Variants in MIGA2 observed in about 807,000 individuals in gnomAD.
MIGA2 encodes family with sequence similarity 73, member B.
A neutral mutation model predicts 69.9 loss-of-function variants in MIGA2; 36 were observed. That is an observed-to-expected ratio of 0.52 (90% CI 0.39 to 0.68). The LOEUF (loss-of-function observed/expected upper bound fraction) is 0.68, where lower values mean the gene tolerates loss of function less well. Among genes scored for constraint, MIGA2 ranks in the 30% least tolerant of loss-of-function variants. The pLI, the probability that MIGA2 is intolerant of heterozygous loss-of-function variation, is 0.00. For synonymous variants in MIGA2, 333 were observed against 349.2 expected (o/e 0.95, Z 0.52); for missense variants, 660 against 787.7 (o/e 0.84, Z 1.94).
chr9:129,044,477 C>T lies in MIGA2; in HGVS notation c.307+1963C>T, dbSNP rs10988180. On this transcript the variant is annotated intron_variant, in intron 3 of 15. Transcript: ENST00000684074. The stretch of plus-strand genomic sequence containing the variant: ...AAAAACTCTTACGGCTCCTGTTAAT[C>T]TTGTAATACAGACCCGGTGTTTGCT... Among the ~76,000 whole-genome samples, 553 of 152,222 alleles carry T rather than the reference C, an allele frequency of 3.6e-3. 2 individuals are homozygous for T. Among genetic ancestry groups the T allele is most frequent in the African/African-American group, 0.013 (533 of 41,528 alleles).
At chr9:129,047,251 G>A (rs993213714) in intron 3 of MIGA2, 2 of 151,818 alleles carry the variant, frequency 1.3e-5, no homozygotes, top group African/African-American at 4.8e-5. Flanking sequence ...CTAATTTTTT[G>A]TGTTTTTAGT....
intron 1 of MIGA2, among the ~76,000 whole-genome samples, chr9:129,039,484 A>T (rs964167886): frequency 6.1e-4 from 92 of 151,796 alleles, no homozygotes; most frequent in Non-Finnish European, 7.9e-4. Context: ...TGACCTTGTG[A>T]TCCTCCCTCC....
At position 129,040,680 on chromosome 9, in the gene MIGA2, C is replaced by T. The variant is rs776352320; in HGVS notation, c.86C>T (p.Thr29Met). Residue 29 changes from threonine (T) to methionine (M), a missense_variant, in exon 2 of 16, where the codon ACG becomes ATG. Physicochemically the swap from Thr to Met is moderately conservative, Grantham distance 81 (BLOSUM62 -1). Around this residue, in one of 3 missense-constraint regions of MIGA2, gnomAD observed 54 missense variants for 84.0 expected, o/e 0.64. Coordinates refer to ENST00000684074, the MANE Select transcript of MIGA2 (RefSeq NM_001329990.2). Reference protein sequence around the residue: ...VAEIPVFLYTTFGQSAFSQLR... With the variant: ...VAEIPVFLYTMFGQSAFSQLR... The stretch of plus-strand genomic sequence containing the variant: ...GAGATCCCCGTGTTCCTGTACACGA[C>T]GTTTGGGCAGGTAAGGATCAGGGTG... 9.9e-6 allele frequency: 16 copies of T among 1,613,476 alleles called. No homozygotes were observed. The highest frequency in any genetic ancestry group is 6.7e-5 in the Admixed American group (4 of 60,000).
chr9:129,048,513 TCGGGCTCCTCCCACAGTGTGG>T lies in MIGA2; in HGVS notation c.396_416del (p.Gly133_Ala139del). 1 of 1,613,884 alleles carries T rather than the reference TCGGGCTCCTCCCACAGTGTGG, an allele frequency of 6.2e-7. No homozygotes were observed. The highest frequency in any genetic ancestry group is 1.1e-5 in the South Asian group (1 of 91,086). ...CTCTTCCATTGAGCCCAGCAAGCACTCGGGCTCCTCCCACAGTGTGGCCTCGGTGAGCAGCAGGTGCCAGGG... is the reference window on the plus strand; with the variant it reads ...CTCTTCCATTGAGCCCAGCAAGCACTCCTCGGTGAGCAGCAGGTGCCAGGG... On this transcript the variant is annotated inframe_deletion, in exon 4 of 16. Coordinates refer to ENST00000684074, the MANE Select transcript of MIGA2 (RefSeq NM_001329990.2).
In MIGA2 at chr9:129,060,552, A is replaced by G; in HGVS notation, c.796A>G (p.Arg266Gly). ...PADSMLLDLERTLMLPLTEGS... is the reference protein window; with the variant it reads ...PADSMLLDLEGTLMLPLTEGS... ...CTTTCTCTCACTGCTCTTCCCAGAGAGGACCCTCATGCTGCCCCTGACCGA... is the reference window on the plus strand; with the variant it reads ...CTTTCTCTCACTGCTCTTCCCAGAGGGGACCCTCATGCTGCCCCTGACCGA... The change falls in exon 8 of 16, where the codon AGG becomes GGG. Residue 266 changes from arginine to glycine, a missense_variant and splice_region_variant. Physicochemically the swap from Arg to Gly is moderately radical, Grantham distance 125. Coordinates refer to ENST00000684074, the MANE Select transcript of MIGA2 (RefSeq NM_001329990.2). The surrounding 1 kb of genome is among the most constrained non-coding windows in gnomAD (Gnocchi z 4.8). 6.3e-7 allele frequency: 1 copy of G among 1,592,980 alleles called. No individual in the cohort carries two copies. The highest frequency in any genetic ancestry group is 8.6e-7 in the Non-Finnish European group (1 of 1,169,142).
Position 129,067,315 on chromosome 9 carries a change from G to GC in MIGA2, c.1171-457dup, listed in dbSNP as rs202052497. On this transcript the variant is annotated intron_variant, in intron 11 of 15. Transcript: ENST00000684074. ...GTGCCGAGAGCCTCCGTGCCGTGCAGCGGCACTTTAAACGCTGTTTGTTGA... is the reference window on the plus strand; with the variant it reads ...GTGCCGAGAGCCTCCGTGCCGTGCAGCCGGCACTTTAAACGCTGTTTGTTGA... Among the ~76,000 whole-genome samples, 152 of 152,362 alleles carry GC rather than the reference G, an allele frequency of 1.0e-3. 3 individuals are homozygous for GC. In the East Asian group the frequency reaches 0.02, roughly 20 times the overall value.
intron 5 of MIGA2, 95 bp from the exon 6 acceptor site, chr9:129,049,732 C>T: frequency 6.3e-7 from 1 of 1,593,416 alleles, no homozygotes; most frequent in Non-Finnish European, 8.6e-7. Flanking sequence ...AGTTCTTGCC[C>T]TTCAAGGCCC....
chr9:129,048,356 C>A, intron 3 of MIGA2, 71 bp from the exon 4 acceptor site: 1 of 1,243,868 alleles, frequency 8.0e-7, no homozygotes, highest in Non-Finnish European at 1.2e-6. Context: ...GAAGGTGGTC[C>A]AGAGTGGGGG....
At chr9:129,043,284 C>T (rs1173735124) in intron 3 of MIGA2, among the ~76,000 whole-genome samples, 1 of 152,138 alleles carries the variant, frequency 6.6e-6, no homozygotes, top group Non-Finnish European at 1.5e-5. Flanking sequence ...ATAGAGTCAT[C>T]CGACCACCAC....
At chr9:129,040,924 C>T (rs1044727281) in intron 2 of MIGA2, among the ~76,000 whole-genome samples, 2 of 152,164 alleles carry the variant, frequency 1.3e-5, no homozygotes, top group African/African-American at 4.8e-5. Context: ...GGTGCGATGG[C>T]TCACGCCTGT....
At chr9:129,054,973 C>T (rs1379785191) in intron 6 of MIGA2, among the ~76,000 whole-genome samples, 3 of 151,924 alleles carry the variant, frequency 2.0e-5, no homozygotes, top group East Asian at 1.9e-4. Flanking sequence ...CTCACCACAA[C>T]CTCCACCCCC....
At position 129,068,826 on chromosome 9, in the gene MIGA2, G is replaced by T; in HGVS notation, c.1405-250G>T. Reference sequence around the variant, plus strand: ...AAAGGAGGTGGGAGTGCTGTGTTGTGCCCCTTTACAGAAGAGGAGACCGAG... The same window carrying T: ...AAAGGAGGTGGGAGTGCTGTGTTGTTCCCCTTTACAGAAGAGGAGACCGAG... On this transcript the variant is annotated intron_variant, in intron 13 of 15. Coordinates refer to ENST00000684074, the MANE Select transcript of MIGA2 (RefSeq NM_001329990.2). This position sits in a 1 kb window ranked among gnomAD's most constrained non-coding sequence, Gnocchi z 4.1. The T allele has an allele frequency of 1.8e-6, 1 of 550,778 alleles. No homozygotes were observed. Among genetic ancestry groups the T allele is most frequent in the Non-Finnish European group, 3.3e-6 (1 of 304,466 alleles). The allele number at this position is 550,778 out of a possible 1,614,324, so 34.1% of individuals were successfully genotyped here.
In MIGA2 at chr9:129,068,934, C is replaced by A; in HGVS notation, c.1405-142C>A. ...AGTCCAAAATCAGAGGAGGAAGCAG[C>A]AGAGCTTAGGCACCTGGCCCCATCT... On this transcript the variant is annotated intron_variant, in intron 13 of 15. Coordinates refer to ENST00000684074, the MANE Select transcript of MIGA2 (RefSeq NM_001329990.2). The surrounding 1 kb of genome is among the most constrained non-coding windows in gnomAD (Gnocchi z 4.1). 1.2e-6 allele frequency: 1 copy of A among 863,502 alleles called. No individual in the cohort carries two copies. The highest frequency in any genetic ancestry group is 1.9e-6 in the Non-Finnish European group (1 of 520,882). The allele number at this position is 863,502 out of a possible 1,614,324, so 53.5% of individuals were successfully genotyped here. A position where few individuals can be genotyped will look rare whatever the true frequency, so the allele number is the denominator to read the frequency against.
rs917574873 is a variant in MIGA2, at chr9:129,059,982, C to T, written c.794-568C>T. ...TGCCTCCTCTGGCCTCCCTACATGGCAGAAAGGGCTGGGGGACCTTTAGGG... is the reference window on the plus strand; with the variant it reads ...TGCCTCCTCTGGCCTCCCTACATGGTAGAAAGGGCTGGGGGACCTTTAGGG... On this transcript the variant is annotated intron_variant, in intron 7 of 15. Coordinates refer to ENST00000684074, the MANE Select transcript of MIGA2 (RefSeq NM_001329990.2). The surrounding 1 kb of genome is among the most constrained non-coding windows in gnomAD (Gnocchi z 5.6). Among the ~76,000 whole-genome samples, 10 of 152,170 alleles carry T rather than the reference C, an allele frequency of 6.6e-5. No homozygotes were observed. Among genetic ancestry groups the T allele is most frequent in the African/African-American group, 1.9e-4 (8 of 41,456 alleles).
intron 3 of MIGA2, 65 bp from the exon 4 acceptor site, chr9:129,048,362 G>C: frequency 7.8e-7 from 1 of 1,288,222 alleles, no homozygotes; most frequent in South Asian, 1.2e-5. Context: ...GGTCCAGAGT[G>C]GGGGCAGCCC....
At chr9:129,044,702 G>A (rs1236217757) in intron 3 of MIGA2, among the ~76,000 whole-genome samples, 1 of 152,038 alleles carries the variant, frequency 6.6e-6, no homozygotes, top group Non-Finnish European at 1.5e-5. Context: ...ACAGGCATGA[G>A]CCACCACACC....
intron 4 of MIGA2, 103 bp downstream of exon 4, chr9:129,048,642 A>C: frequency 1.2e-6 from 1 of 866,486 alleles, no homozygotes; most frequent in Non-Finnish European, 1.9e-6. Flanking sequence ...CCATTCATTC[A>C]TTCTCTCTCT....
Position 129,063,527 on chromosome 9 carries a change from C to T in MIGA2, c.1084-18C>T, listed in dbSNP as rs1158914751. ...GCCGTGCCCGGCAGCTCACTCCCCT[C>T]CCTTCCTCCTTCCCTAGGGGCTTCT... On this transcript the variant is annotated intron_variant, in intron 10 of 15. Coordinates refer to ENST00000684074, the MANE Select transcript of MIGA2 (RefSeq NM_001329990.2). The T allele has an allele frequency of 6.2e-7, 1 of 1,613,532 alleles. No homozygotes were observed. Among genetic ancestry groups the T allele is most frequent in the Non-Finnish European group, 8.5e-7 (1 of 1,179,566 alleles).
rs1564617539 is a variant in MIGA2, at chr9:129,063,593, C to G, written c.1132C>G (p.Arg378Gly). Residue 378 changes from arginine (R) to glycine (G), a missense_variant, in exon 11 of 16, where the codon CGA (arginine) becomes GGA (glycine). This residue lies in a region of MIGA2 where 220 missense variants were observed against 301.7 expected (regional missense o/e 0.73). Coordinates refer to ENST00000684074, the MANE Select transcript of MIGA2 (RefSeq NM_001329990.2). The stretch of plus-strand genomic sequence containing the variant: ...CCAGCTTTTCTTCGGGAAAGTGGGC[C>G]GACAGATGGTGACAGGCCTGATGAC... ...SNQLFFGKVG[R>G]QMVTGLMTKA... 6.2e-7 allele frequency: 1 copy of G among 1,604,822 alleles called. No homozygotes were observed. Among genetic ancestry groups the G allele is most frequent in the Non-Finnish European group, 8.5e-7 (1 of 1,178,584 alleles).
Sources: gnomAD v4.1 joint callset for allele counts (sites outside exome capture counted in the v4.1 genomes callset) on GRCh38, gnomAD v4.1.1 for gene constraint, gnomAD v4.1.1 regional missense constraint, Gnocchi (gnomAD v3.1) non-coding constraint, MANE v1.5 for transcripts, NCBI Gene and HGNC (gene_info 2026-07-23, HGNC 2026-07-21) for gene names.